The following PAPSS2 variants were observed in gnomAD, a reference collection of about 807,000 sequenced individuals.
PAPSS2 encodes the protein bifunctional 3'-phosphoadenosine 5'-phosphosulfate synthase 2.
Under a neutral mutation model 66.5 loss-of-function variants are expected in PAPSS2, and 61 were observed. That is an observed-to-expected ratio of 0.92 (90% confidence interval 0.75 to 1.14). The LOEUF (loss-of-function observed/expected upper bound fraction) is 1.14. Among genes scored for constraint, PAPSS2 ranks in the 50% most tolerant of loss-of-function variants. The pLI is 0.00. For synonymous variants in PAPSS2, 289 were observed against 287.5 expected (o/e 1.01, Z -0.05); for missense variants, 708 against 789.6 (o/e 0.90, Z 1.24).
intron 1 of PAPSS2, chr10:87,660,212 C>A: frequency 1.6e-6 from 1 of 629,664 alleles, no homozygotes; most frequent in East Asian, 2.7e-5. Flanking sequence ...CCCCTCTCCA[C>A]CCCGCGACTC....
chr10:87,704,368 G>A (rs10887743), intron 1 of PAPSS2, among the ~76,000 whole-genome samples: 102,018 of 152,112 alleles, frequency 0.67, 35,084 homozygotes, highest in African/African-American at 0.83. Context: ...GATCAAGATC[G>A]TAACAAAGTT....
At chr10:87,713,973 A>G in intron 3 of PAPSS2, 71 bp from the exon 4 acceptor site, 1 of 1,541,794 alleles carries the variant, frequency 6.5e-7, no homozygotes, top group Non-Finnish European at 8.9e-7. Context: ...AAACCAAAGT[A>G]CACAGTGTTT....
At position 87,715,811 on chromosome 10, in the gene PAPSS2, T is replaced by TA; in HGVS notation, c.834dup (p.Gln279ThrfsTer6). The stretch of plus-strand genomic sequence containing the variant: ...GGTTTCATGCGGGAGAAGGAGTACT[T>TA]ACAGGTTATGCACTTTGACACCCTG... On this transcript the variant is annotated frameshift_variant, in exon 7 of 13. Coordinates refer to ENST00000456849, the MANE Select transcript of PAPSS2 (RefSeq NM_001015880.2). LOFTEE classifies it high-confidence loss of function. The TA allele has an allele frequency of 1.2e-6, 2 of 1,611,660 alleles. No homozygotes were observed. The highest frequency in any genetic ancestry group is 1.7e-6 in the Non-Finnish European group (2 of 1,177,766).
In PAPSS2 at chr10:87,717,311, A is replaced by G. The variant is rs570449142; in HGVS notation, c.865+1468A>G. ...GAACTACATTGAAAGAGGGGGCCTC[A>G]TTACAGACAACAAGGTGCTGTTGAC... is the stretch of plus-strand genomic sequence containing the variant. On this transcript the variant is annotated intron_variant, in intron 7 of 12. Transcript: ENST00000456849. 3.9e-5 allele frequency among the ~76,000 whole-genome samples: 6 copies of G among 152,222 alleles called. No individual in the cohort carries two copies. The South Asian group carries it at 1.2e-3, about 31-fold the overall frequency.
intron 9 of PAPSS2, among the ~76,000 whole-genome samples, chr10:87,733,879 T>C (rs973642209): frequency 7.2e-5 from 11 of 151,798 alleles, no homozygotes; most frequent in African/African-American, 2.4e-4. Context: ...TAGTGACAGC[T>C]TCACCATCCA....
At chr10:87,689,794 C>A in intron 1 of PAPSS2, among the ~76,000 whole-genome samples, 1 of 149,054 alleles carries the variant, frequency 6.7e-6, no homozygotes, top group African/African-American at 2.5e-5. Flanking sequence ...AATGAGAGTC[C>A]AAAAAAGAAA....
chr10:87,660,081 G>T, intron 1 of PAPSS2, 73 bp downstream of exon 1: 1 of 1,477,076 alleles, frequency 6.8e-7, no homozygotes, highest in South Asian at 1.2e-5. Context: ...CCAATTCCCC[G>T]GCACTTGGGT....
At chr10:87,729,030 G>A (rs1853694467) in intron 9 of PAPSS2, among the ~76,000 whole-genome samples, 1 of 151,642 alleles carries the variant, frequency 6.6e-6, no homozygotes, top group African/African-American at 2.4e-5. Flanking sequence ...ATATAGGTTT[G>A]GGATTTTATC....
rs149892152 is a variant in PAPSS2, at chr10:87,745,777, C to T, written c.1722-55C>T. On this transcript the variant is annotated intron_variant, in intron 12 of 12. Coordinates refer to ENST00000456849, the MANE Select transcript of PAPSS2 (RefSeq NM_001015880.2). ...AAAACCATAACCTACTCCAGGAATC[C>T]TTAAGGCAGATATCATTTACCTACA... 5.0e-6 allele frequency: 8 copies of T among 1,596,016 alleles called. No individual in the cohort carries two copies. The East Asian group carries it at 1.8e-4, about 36-fold the overall frequency.
At chr10:87,688,123 A>G (rs1853111689) in intron 1 of PAPSS2, among the ~76,000 whole-genome samples, 1 of 152,140 alleles carries the variant, frequency 6.6e-6, no homozygotes, top group South Asian at 2.1e-4. Flanking sequence ...AAATTATTGT[A>G]GGCCTTCTAA....
chr10:87,718,581 T>C (rs1052400113), intron 7 of PAPSS2, among the ~76,000 whole-genome samples: 3 of 152,218 alleles, frequency 2.0e-5, no homozygotes, highest in African/African-American at 7.2e-5. Context: ...AAGGGGTGCG[T>C]TTCCTGTGTT....
At chr10:87,731,566 AC>A (rs565824003) in intron 9 of PAPSS2, among the ~76,000 whole-genome samples, 343 of 152,298 alleles carry the variant, frequency 2.3e-3, no homozygotes, top group African/African-American at 7.7e-3. Context: ...TAAACTGAAA[AC>A]CTTCTGGAAG....
intron 1 of PAPSS2, among the ~76,000 whole-genome samples, chr10:87,667,975 T>A (rs1852833905): frequency 6.6e-6 from 1 of 152,210 alleles, no homozygotes; most frequent in South Asian, 2.1e-4. Context: ...ACAATTACTT[T>A]TTTAAAACAA....
rs3217087 is a variant in PAPSS2, at chr10:87,659,881, C to CGCT, written c.-77_-75dup. Reference sequence around the variant, plus strand: ...ACCTCCTTCCCGGGAGTCCGGCAGCCGCTGCTGCTGCTGCTGCTGCTGCTG... The same window carrying CGCT: ...ACCTCCTTCCCGGGAGTCCGGCAGCCGCTGCTGCTGCTGCTGCTGCTGCTGCTG... On this transcript the variant is annotated 5_prime_UTR_variant, in exon 1 of 13. Transcript: ENST00000456849. 322,881 of 1,035,640 alleles carry CGCT rather than the reference C, an allele frequency of 0.31. 35,164 individuals carry two copies. The highest frequency in any genetic ancestry group is 0.35 in the Non-Finnish European group (232,290 of 669,992). The allele number at this position is 1,035,640 out of a possible 1,614,324, so 64.2% of individuals were successfully genotyped here.
intron 7 of PAPSS2, among the ~76,000 whole-genome samples, chr10:87,717,568 T>C (rs1853546745): frequency 6.6e-6 from 1 of 152,156 alleles, no homozygotes; most frequent in African/African-American, 2.4e-5. Flanking sequence ...CTTTAATTAT[T>C]TTTTATTTTT....
At chr10:87,736,039 C>A (rs1243073257) in intron 9 of PAPSS2, among the ~76,000 whole-genome samples, 1 of 152,156 alleles carries the variant, frequency 6.6e-6, no homozygotes. Context: ...TTTCAGGTAA[C>A]CAAGTTGTAT....
rs762436582 is a variant in PAPSS2 at position 87,713,115 on chromosome 10, G to A, written c.186G>A (p.Leu62=). 6.2e-7 allele frequency: 1 copy of A among 1,613,096 alleles called. No homozygotes were observed. Among genetic ancestry groups the A allele is most frequent in the Non-Finnish European group, 8.5e-7 (1 of 1,179,484 alleles). The change falls in exon 3 of 13, where the codon CTG becomes CTA. Residue 62 remains leucine (L), a synonymous_variant. Transcript: ENST00000456849. ...GAGKTTISFA[L]EEYLVSHAIP... is the part of the protein sequence containing the mutation. ...GAAAAACAACGATAAGTTTTGCCCT[G>A]GAGGAGTACCTTGTCTCCCATGCCA... is the stretch of plus-strand genomic sequence containing the variant.
chr10:87,663,025 C>T (rs532713519), intron 1 of PAPSS2, among the ~76,000 whole-genome samples: 14 of 150,512 alleles, frequency 9.3e-5, no homozygotes, highest in Admixed American at 5.3e-4. Flanking sequence ...ATTACAGGCA[C>T]CACCATCATG....
chr10:87,683,631 G>T (rs1853052638), intron 1 of PAPSS2, among the ~76,000 whole-genome samples: 1 of 151,966 alleles, frequency 6.6e-6, no homozygotes, highest in African/African-American at 2.4e-5. Context: ...TTAAACACAT[G>T]GTCAGGGGAT....
Sources: allele counts gnomAD v4.1 joint callset (sites outside exome capture counted in the v4.1 genomes callset), GRCh38; gene constraint gnomAD v4.1.1; transcripts MANE v1.5; gene names NCBI Gene and HGNC (gene_info 2026-07-23, HGNC 2026-07-21).